The following PPHLN1 variants were observed in gnomAD, a reference collection of about 807,000 sequenced individuals.
PPHLN1 encodes the protein periphilin-1.
PPHLN1 carries 29 observed loss-of-function variants against 51.3 expected under a neutral mutation model. The ratio of observed to expected loss-of-function variants is 0.57; its 90% CI spans 0.42 to 0.77. The LOEUF (loss-of-function observed/expected upper bound fraction) is 0.77. Ranked by LOEUF, PPHLN1 falls within the 30% of genes least tolerant of loss-of-function variation. The pLI is 0.00. For missense variants in PPHLN1, 436 were observed against 438.4 expected, an observed-to-expected ratio of 0.99 and a Z score of 0.05; for synonymous variants, 147 against 147.8, an observed-to-expected ratio of 0.99 and a Z score of 0.04.
intron 9 of PPHLN1, among the ~76,000 whole-genome samples, chr12:42,404,939 A>AT (rs1478324538): frequency 6.6e-6 from 1 of 152,186 alleles, no homozygotes; most frequent in Non-Finnish European, 1.5e-5. Flanking sequence ...AGGCAGGAGA[A>AT]TCGCTTGAAC....
downstream of PPHLN1, chr12:42,446,153 GCCCC>G: frequency 6.3e-7 from 1 of 1,599,826 alleles, no homozygotes; most frequent in Non-Finnish European, 8.5e-7. Context: ...GACGACAGGA[GCCCC>G]AGACATTACC....
chr12:42,384,502 C>T (rs947840465), intron 5 of PPHLN1, among the ~76,000 whole-genome samples: 2 of 152,124 alleles, frequency 1.3e-5, no homozygotes, highest in Non-Finnish European at 2.9e-5. Flanking sequence ...AGGGGTGATC[C>T]ATCTTTCATT....
intron 9 of PPHLN1, among the ~76,000 whole-genome samples, chr12:42,436,324 G>A (rs2082480610): frequency 6.6e-6 from 1 of 152,170 alleles, no homozygotes. Flanking sequence ...TCAGTTTTGT[G>A]GTGCTAGGAA....
At chr12:42,442,724 G>A (rs774470260), downstream of PPHLN1, 45 of 1,613,634 alleles carry the variant, frequency 2.8e-5, no homozygotes, top group Non-Finnish European at 3.4e-5. Flanking sequence ...AAACGAAGGC[G>A]AAGAGACTGC....
intron 2 of PPHLN1, chr12:42,343,988 T>C (rs1292535815): frequency 8.4e-6 from 3 of 355,392 alleles, no homozygotes; most frequent in Non-Finnish European, 1.6e-5. Context: ...TACAAGCTTA[T>C]GAAAGCAAAA....
intron 2 of PPHLN1, among the ~76,000 whole-genome samples, chr12:42,341,127 G>T (rs771022599): frequency 6.6e-6 from 1 of 151,712 alleles, no homozygotes; most frequent in Admixed American, 6.6e-5. Context: ...GATTACAGGC[G>T]CCTACCACCA....
intron 8 of PPHLN1, among the ~76,000 whole-genome samples, chr12:42,397,041 A>G (rs2078297406): frequency 6.6e-6 from 1 of 151,562 alleles, no homozygotes; most frequent in Non-Finnish European, 1.5e-5. Context: ...TAGTCTCAAA[A>G]AAAAAAAAAA....
At chr12:42,407,942 A>G (rs977200490) in intron 9 of PPHLN1, among the ~76,000 whole-genome samples, 5 of 152,204 alleles carry the variant, frequency 3.3e-5, no homozygotes, top group Non-Finnish European at 5.9e-5. Context: ...TGTGAAACCC[A>G]TAGATACTCA....
chr12:42,421,941 T>C (rs1592910289), intron 9 of PPHLN1, among the ~76,000 whole-genome samples: 1 of 152,268 alleles, frequency 6.6e-6, no homozygotes, highest in East Asian at 1.9e-4. Flanking sequence ...TAAGAAAGTT[T>C]AGAATAAAAA....
chr12:42,407,194 T>TA (rs1255332228), intron 9 of PPHLN1, among the ~76,000 whole-genome samples: 1 of 152,232 alleles, frequency 6.6e-6, no homozygotes, highest in Non-Finnish European at 1.5e-5. Context: ...GTAGAAATTT[T>TA]AGAGTCAGTT....
intron 9 of PPHLN1, among the ~76,000 whole-genome samples, chr12:42,404,527 C>CAACAACAACAACAACAACA (rs2079115002): frequency 9.2e-6 from 1 of 108,544 alleles, no homozygotes; most frequent in African/African-American, 4.2e-5. Context: ...AAAACTCCGT[C>CAACAACAACAACAACAACA]TCAACAACAA....
intron 4 of PPHLN1, among the ~76,000 whole-genome samples, chr12:42,364,825 G>A (rs1377569456): frequency 2.0e-5 from 3 of 152,146 alleles, no homozygotes; most frequent in Admixed American, 6.5e-5. Context: ...GAAGGCTGAG[G>A]CACGAGAATC....
At chr12:42,442,554 GGGCTGCGCTAAAGCC>G (rs889800062), downstream of PPHLN1, 44 of 1,566,964 alleles carry the variant, frequency 2.8e-5, no homozygotes, top group African/African-American at 5.7e-4. Flanking sequence ...ACTCTCTTTT[GGGCTGCGCTAAAGCC>G]GGCAGTCCCC....
intron 9 of PPHLN1, among the ~76,000 whole-genome samples, chr12:42,403,376 G>A (rs55653923): frequency 0.2 from 29,996 of 152,128 alleles, 3,342 homozygotes; most frequent in African/African-American, 0.3. Context: ...CTTGAAAAGA[G>A]ATGATTTATT....
At chr12:42,417,725 C>T (rs192744529) in intron 9 of PPHLN1, among the ~76,000 whole-genome samples, 10 of 151,816 alleles carry the variant, frequency 6.6e-5, no homozygotes, top group South Asian at 4.2e-4. Context: ...AAAAAAATGA[C>T]GCAAACTTAG....
intron 3 of PPHLN1, among the ~76,000 whole-genome samples, chr12:42,352,641 A>G (rs1379010548): frequency 6.6e-6 from 1 of 151,376 alleles, no homozygotes; most frequent in Non-Finnish European, 1.5e-5. Flanking sequence ...AACTCCTGAC[A>G]TCAAGTGGGA....
At chr12:42,393,429 G>A in intron 7 of PPHLN1, 141 bp from the exon 8 acceptor site, 1 of 741,016 alleles carries the variant, frequency 1.3e-6, no homozygotes, top group Admixed American at 2.9e-5. Context: ...TATTTTTGAA[G>A]GAGGAAATAA....
intron 8 of PPHLN1, among the ~76,000 whole-genome samples, chr12:42,394,082 A>G (rs1342954000): frequency 6.6e-6 from 1 of 152,134 alleles, no homozygotes; most frequent in African/African-American, 2.4e-5. Flanking sequence ...ATTGCTTGTT[A>G]TACTTCATGC....
chr12:42,351,720 G>T (rs953924879), intron 2 of PPHLN1, among the ~76,000 whole-genome samples, 165 bp from the exon 3 acceptor site: 1 of 152,036 alleles, frequency 6.6e-6, no homozygotes, highest in Non-Finnish European at 1.5e-5. Context: ...TTTAATCCAT[G>T]TGAAGACCTT....
Sources: gnomAD v4.1 joint callset for allele counts (sites outside exome capture counted in the v4.1 genomes callset) on GRCh38, gnomAD v4.1.1 for gene constraint, MANE v1.5 for transcripts, NCBI Gene and HGNC (gene_info 2026-07-23, HGNC 2026-07-21) for gene names.